Variants in C2CD2 observed in about 807,000 individuals in gnomAD.
The protein encoded by C2CD2 is C2 calcium dependent domain containing 2, also known as C2 domain-containing protein 2.
In C2CD2, 43 loss-of-function variants were observed where a neutral mutation model predicts 74.3. That is an observed-to-expected ratio of 0.58 (90% CI 0.45 to 0.75). The LOEUF (loss-of-function observed/expected upper bound fraction) is 0.75. Among genes scored for constraint, C2CD2 ranks in the 30% least tolerant of loss-of-function variants. The probability of loss-of-function intolerance (pLI) is 0.00; values close to 1 mark genes in which losing one functional copy is unlikely to be tolerated. For missense variants in C2CD2, 801 were observed against 916.3 expected (o/e 0.87, Z 1.63); for synonymous variants, 422 against 390.7 (o/e 1.08, Z -0.94).
intron 12 of C2CD2, chr21:41,901,370 A>T (rs2064894105): frequency 3.6e-6 from 2 of 550,932 alleles, no homozygotes; most frequent in Non-Finnish European, 6.5e-6. Context: ...TCTTGAAATG[A>T]TTTGCCAACC....
At chr21:41,894,973 G>A (rs1473367332) in intron 13 of C2CD2, 1 of 456,570 alleles carries the variant, frequency 2.2e-6, no homozygotes, top group Non-Finnish European at 4.4e-6. Flanking sequence ...AGGTGTCGCT[G>A]TGTCAACCTG....
At chr21:41,919,250 G>A (rs2065129426) in intron 3 of C2CD2, among the ~76,000 whole-genome samples, 1 of 152,198 alleles carries the variant, frequency 6.6e-6, no homozygotes, top group Non-Finnish European at 1.5e-5. Flanking sequence ...ACGTGTGCCT[G>A]TGTGTATGTG....
rs377599432 is a variant in C2CD2 at position 41,889,091 on chromosome 21, C to T, written c.*33G>A. On this transcript the variant is annotated 3_prime_UTR_variant, in exon 14 of 14. Coordinates refer to ENST00000380486, the MANE Select transcript of C2CD2 (RefSeq NM_015500.2). ...GGTGAGGGTAGTTAACATGGGTGCA[C>T]GTCTTCTGGCTTGGAGGTGATGACC... The T allele has an allele frequency of 3.9e-5, 61 of 1,547,116 alleles. No homozygotes were observed. Among genetic ancestry groups the T allele is most frequent in the Non-Finnish European group, 5.0e-5 (56 of 1,121,680 alleles).
At chr21:41,941,647 C>T (rs2065355228) in intron 2 of C2CD2, among the ~76,000 whole-genome samples, 1 of 152,156 alleles carries the variant, frequency 6.6e-6, no homozygotes, top group South Asian at 2.1e-4. Context: ...CTATACAAAT[C>T]AATGGTTTTA....
At chr21:41,953,324 C>T in intron 1 of C2CD2, 46 bp downstream of exon 1, 2 of 1,310,288 alleles carry the variant, frequency 1.5e-6, no homozygotes, top group Non-Finnish European at 2.0e-6. Context: ...CCGGACCGCC[C>T]GCCCCGGCAT....
In C2CD2 at chr21:41,918,130, T is replaced by C. The variant is rs1187844672; in HGVS notation, c.695A>G (p.Lys232Arg). ...SASPSVVLIT[K>R]PTTVKEAQNL... ...CTGAGCTTCCTTTACAGTCGTGGGC[T>C]TGGTAATCAGAACCACTGATGGAGA... The change falls in exon 5 of 14, where the codon AAG becomes AGG. Residue 232 changes from lysine to arginine, a missense_variant. By Grantham distance (26) the Lys-to-Arg change is conservative. Transcript: ENST00000380486. 6.2e-7 allele frequency: 1 copy of C among 1,614,036 alleles called. No individual in the cohort carries two copies.
rs754507831 is a variant in C2CD2, at chr21:41,918,913, C to A, written c.540G>T (p.Trp180Cys). ...KEKREDLQIS[W>C]SFISVPEMAV... Reference sequence around the variant, plus strand: ...CCATTTCCGGCACACTGATGAAAGACCAGCTAATCTGGAGGTCCTCTCTCT... The same window carrying A: ...CCATTTCCGGCACACTGATGAAAGAACAGCTAATCTGGAGGTCCTCTCTCT... The change falls in exon 4 of 14, where the codon TGG (tryptophan) becomes TGT (cysteine). Residue 180 changes from tryptophan to cysteine, a missense_variant. Transcript: ENST00000380486. 4.3e-6 allele frequency: 7 copies of A among 1,614,094 alleles called. No homozygotes were observed. In the South Asian group the frequency reaches 7.7e-5, roughly 18 times the overall value.
chr21:41,901,900 G>A (rs2064903414), intron 11 of C2CD2, 151 bp from the exon 12 acceptor site: 1 of 686,288 alleles, frequency 1.5e-6, no homozygotes, highest in Non-Finnish European at 2.5e-6. Flanking sequence ...TTTGTTGGTG[G>A]TCTCTGCAAC....
In C2CD2 at chr21:41,939,797, C is replaced by A. The variant is rs530218352; in HGVS notation, c.378+2350G>T. ...TCCTATGCTGCTGGGGCAGAGAAAA[C>A]CGGGAACAGCACTTTGGTGACTGAC... is the stretch of plus-strand genomic sequence containing the variant. On this transcript the variant is annotated intron_variant, in intron 2 of 13. Transcript: ENST00000380486. The surrounding 1 kb of genome is among the most constrained non-coding windows in gnomAD (Gnocchi z 5.5). Among the ~76,000 whole-genome samples the A allele has an allele frequency of 7.4e-4, 112 of 152,308 alleles. No individual in the cohort carries two copies. The highest frequency in any genetic ancestry group is 2.5e-3 in the African/African-American group (104 of 41,560).
intron 2 of C2CD2, among the ~76,000 whole-genome samples, chr21:41,938,534 T>G (rs2065327886): frequency 6.6e-6 from 1 of 152,076 alleles, no homozygotes; most frequent in Admixed American, 6.6e-5. Context: ...AACTCTGTCC[T>G]CACTAAGCAC....
At position 41,885,760 on chromosome 21, in the gene C2CD2, C is replaced by G. The variant is rs1215674815; in HGVS notation, c.*3364G>C. 6.6e-6 allele frequency: 1 copy of G among 152,416 alleles called. No homozygotes were observed. The highest frequency in any genetic ancestry group is 1.5e-5 in the Non-Finnish European group (1 of 68,050). The allele number at this position is 152,416 out of a possible 1,614,324, so 9.4% of individuals were successfully genotyped here. On this transcript the variant is annotated 3_prime_UTR_variant, in exon 14 of 14. Coordinates refer to ENST00000380486, the MANE Select transcript of C2CD2 (RefSeq NM_015500.2). ...GCAGTGTAAATTAATCTTTCCCTCT[C>G]TGCTCAAAGCAACTTTGCAACTCTC...
Position 41,887,061 on chromosome 21 carries a change from C to A in C2CD2, c.*2063G>T, listed in dbSNP as rs947242881. 2 of 152,126 alleles carry A rather than the reference C, an allele frequency of 1.3e-5. No individual in the cohort carries two copies. The highest frequency in any genetic ancestry group is 2.9e-5 in the Non-Finnish European group (2 of 68,012). 9.4% of individuals were successfully genotyped at this position (152,126 alleles called of 1,614,324 possible). On this transcript the variant is annotated 3_prime_UTR_variant, in exon 14 of 14. Transcript: ENST00000380486. ...AATTCCAAAATCAAATAAAAAAGAA[C>A]AATTAAAAACTTCTCATCAGTGTCT...
In C2CD2 at chr21:41,902,008, C is replaced by G. The variant is rs538819100; in HGVS notation, c.1433-259G>C. 1.1e-3 allele frequency among the ~76,000 whole-genome samples: 165 copies of G among 152,220 alleles called. 4 individuals carry two copies. In the South Asian group the frequency reaches 0.033, roughly 31 times the overall value. On this transcript the variant is annotated intron_variant, in intron 11 of 13. Transcript: ENST00000380486. ...TTCAGTAAAACTTTATTTACAAAAA[C>G]AAGTGACGGGCCAGATTTTTCCTAT... is the stretch of plus-strand genomic sequence containing the variant.
At chr21:41,948,025 G>A (rs2065416734) in intron 1 of C2CD2, among the ~76,000 whole-genome samples, 1 of 152,236 alleles carries the variant, frequency 6.6e-6, no homozygotes, top group South Asian at 2.1e-4. Context: ...GGGAGAATGG[G>A]TTAGTGCAAA....
rs181401487 is a variant in C2CD2 at position 41,895,705 on chromosome 21, T to C, written c.1870+3348A>G. Among the ~76,000 whole-genome samples, 3 of 152,270 alleles carry C rather than the reference T, an allele frequency of 2.0e-5. No homozygotes were observed. The highest frequency in any genetic ancestry group is 2.0e-4 in the Admixed American group (3 of 15,296). On this transcript the variant is annotated intron_variant, in intron 13 of 13. Coordinates refer to ENST00000380486, the MANE Select transcript of C2CD2 (RefSeq NM_015500.2). This position sits in a 1 kb window ranked among gnomAD's most constrained non-coding sequence, Gnocchi z 5.0. ...TGAAAGAATTTAAACATAATTAATC[T>C]AAATTATAGCTCTAATGTCATAAAT...
intron 3 of C2CD2, among the ~76,000 whole-genome samples, chr21:41,920,307 T>C (rs377654925): frequency 6.6e-6 from 1 of 152,196 alleles, no homozygotes; most frequent in South Asian, 2.1e-4. Context: ...AGAAAGCTAA[T>C]ATTGCATCCT....
chr21:41,940,409 C>G (rs769584520), intron 2 of C2CD2, among the ~76,000 whole-genome samples: 3 of 152,208 alleles, frequency 2.0e-5, no homozygotes, highest in Non-Finnish European at 2.9e-5. Flanking sequence ...ACACAAATAC[C>G]CCAGCTGTCA....
chr21:41,901,858 C>T, intron 11 of C2CD2, 109 bp from the exon 12 acceptor site: 3 of 965,070 alleles, frequency 3.1e-6, no homozygotes, highest in Non-Finnish European at 3.2e-6. Context: ...CAGATATTTT[C>T]TAAAAGGGGC....
At chr21:41,947,112 T>TTCTCTCCCTCTC (rs1555906756) in intron 1 of C2CD2, among the ~76,000 whole-genome samples, 1 of 26,216 alleles carries the variant, frequency 3.8e-5, no homozygotes, top group Non-Finnish European at 9.1e-5. Flanking sequence ...CCTTTCTCTT[T>TTCTCTCCCTCTC]TCTCTCTCTC....
Sources: gnomAD v4.1 joint callset for allele counts (sites outside exome capture counted in the v4.1 genomes callset) on GRCh38, gnomAD v4.1.1 for gene constraint, Gnocchi (gnomAD v3.1) non-coding constraint, MANE v1.5 for transcripts, NCBI Gene and HGNC (gene_info 2026-07-23, HGNC 2026-07-21) for gene names.